The following SMARCA5 variants were observed in gnomAD, a reference collection of about 807,000 sequenced individuals.
SMARCA5 encodes SNF2 related chromatin remodeling ATPase 5.
In SMARCA5, 18 loss-of-function variants were observed where a neutral mutation model predicts 140.4. The ratio of observed to expected loss-of-function variants is 0.13; its 90% CI spans 0.09 to 0.19. The LOEUF (loss-of-function observed/expected upper bound fraction) is 0.19, where lower values mean the gene tolerates loss of function less well. Among genes scored for constraint, SMARCA5 ranks in the 10% least tolerant of loss-of-function variants. SMARCA5 has a pLI of 1.00. For missense variants in SMARCA5, 606 were observed against 1,276.8 expected, an observed-to-expected ratio of 0.47 and a Z score of 8.01; for synonymous variants, 449 against 419.6, an observed-to-expected ratio of 1.07 and a Z score of -0.86.
intron 6 of SMARCA5, among the ~76,000 whole-genome samples, chr4:143,527,594 A>C (rs376781594): frequency 1.3e-5 from 2 of 152,150 alleles, no homozygotes; most frequent in African/African-American, 4.8e-5. Flanking sequence ...TTCCCGATCT[A>C]GTGGAATTGC....
intron 22 of SMARCA5, 117 bp from the exon 23 acceptor site, chr4:143,549,880 A>G (rs550652821): frequency 2.7e-5 from 15 of 562,120 alleles, no homozygotes; most frequent in Non-Finnish European, 3.8e-5. Flanking sequence ...TTTTTTTTAA[A>G]TCAGGGGTGT....
Position 143,521,610 on chromosome 4 carries a change from A to T in SMARCA5, c.419+15A>T, listed in dbSNP as rs1480594327. 6.3e-7 allele frequency: 1 copy of T among 1,591,520 alleles called. No homozygotes were observed. The highest frequency in any genetic ancestry group is 1.8e-5 in the Admixed American group (1 of 56,360). On this transcript the variant is annotated intron_variant, in intron 3 of 23. Transcript: ENST00000283131. ...TCCGTTGGCGAGTGAGTAATAGTTT[A>T]AACTTCATAGTTCAACCAAACTTAT... is the stretch of plus-strand genomic sequence containing the variant.
intron 9 of SMARCA5, among the ~76,000 whole-genome samples, chr4:143,532,106 T>A (rs975525901): frequency 1.2e-4 from 19 of 152,150 alleles, no homozygotes; most frequent in African/African-American, 4.6e-4. Context: ...GGGAAAAAAA[T>A]TTAAGTTCAT....
intron 10 of SMARCA5, among the ~76,000 whole-genome samples, chr4:143,535,990 C>T (rs1737294035): frequency 6.6e-6 from 1 of 152,062 alleles, no homozygotes; most frequent in African/African-American, 2.4e-5. Flanking sequence ...TCATGCCTTA[C>T]CATTTCATTA....
intron 17 of SMARCA5, among the ~76,000 whole-genome samples, chr4:143,545,072 A>C (rs1297117752): frequency 5.3e-5 from 8 of 151,208 alleles, no homozygotes; most frequent in Admixed American, 5.3e-4. Context: ...CCTTCCGAGT[A>C]GCTGGGACTA....
chr4:143,535,486 T>C (rs1737284299), intron 10 of SMARCA5, among the ~76,000 whole-genome samples: 1 of 152,176 alleles, frequency 6.6e-6, no homozygotes. Flanking sequence ...GCCAGAGTTG[T>C]TTGGTTAAAG....
chr4:143,553,007 CATACCT>C (rs1737676331), intron 23 of SMARCA5, 106 bp from the exon 24 acceptor site: 1 of 762,148 alleles, frequency 1.3e-6, no homozygotes, highest in Admixed American at 2.2e-5. Flanking sequence ...GGAAAAGTCT[CATACCT>C]ATTACTTTGT....
chr4:143,525,817 G>C (rs1258829050), intron 5 of SMARCA5, among the ~76,000 whole-genome samples: 2 of 152,152 alleles, frequency 1.3e-5, no homozygotes, highest in African/African-American at 4.8e-5. Context: ...TTTGCTTCCA[G>C]TTTTGTAAAA....
intron 3 of SMARCA5, among the ~76,000 whole-genome samples, chr4:143,522,109 C>T (rs921158737): frequency 2.0e-5 from 3 of 152,088 alleles, no homozygotes; most frequent in Non-Finnish European, 2.9e-5. Context: ...TGGGTGTGCT[C>T]TAGGCTCCTC....
rs1185307416 is a variant in SMARCA5, at chr4:143,517,394, A to C, written c.217A>C (p.Ile73Leu). The change falls in exon 2 of 24, where the codon ATC (isoleucine) becomes CTC (leucine). Residue 73 changes from isoleucine (I) to leucine (L), a missense_variant. This residue lies in a region of SMARCA5 where 164 missense variants were observed against 128.4 expected (regional missense o/e 1.28). Coordinates refer to ENST00000283131, the MANE Select transcript of SMARCA5 (RefSeq NM_003601.4). ...TGCGTCACCTGGAAAGCAAAAGGAAATCCAAGAACCAGATCCTACCTATGA... is the reference window on the plus strand; with the variant it reads ...TGCGTCACCTGGAAAGCAAAAGGAACTCCAAGAACCAGATCCTACCTATGA... ...DDASPGKQKEIQEPDPTYEEK... is the reference protein window; with the variant it reads ...DDASPGKQKELQEPDPTYEEK... 11 of 1,610,834 alleles carry C rather than the reference A, an allele frequency of 6.8e-6. No homozygotes were observed. The highest frequency in any genetic ancestry group is 8.5e-6 in the Non-Finnish European group (10 of 1,178,248).
At chr4:143,544,944 T>G (rs1005354723) in intron 17 of SMARCA5, 97 bp downstream of exon 17, 6 of 561,610 alleles carry the variant, frequency 1.1e-5, no homozygotes, top group Non-Finnish European at 1.8e-5. Context: ...AGATTTTGTG[T>G]TTCTTTTTTT....
rs1165646509 is a variant in SMARCA5 at position 143,514,108 on chromosome 4, G to A, written c.177+7G>A. The A allele has an allele frequency of 7.2e-6, 11 of 1,528,746 alleles. No individual in the cohort carries two copies. In the South Asian group the frequency reaches 1.3e-4, roughly 18 times the overall value. The allele number at this position is 1,528,746 out of a possible 1,614,324, so 94.7% of individuals were successfully genotyped here. A position where few individuals can be genotyped will look rare whatever the true frequency, so the allele number is the denominator to read the frequency against. ...CGCAGACGCCGAGATGGAGGTGAGG[G>A]CGACTTGCGGCATGGGGAGCGGGTG... On this transcript the variant is annotated splice_region_variant and intron_variant, in intron 1 of 23. Coordinates refer to ENST00000283131, the MANE Select transcript of SMARCA5 (RefSeq NM_003601.4).
In SMARCA5 at chr4:143,548,084, A is replaced by T; in HGVS notation, c.2929A>T (p.Ile977Phe). The change falls in exon 22 of 24, where the codon ATT becomes TTT. Residue 977 changes from isoleucine (I) to phenylalanine (F), a missense_variant. By Grantham distance (21) the Ile-to-Phe change is conservative (BLOSUM62 0). Transcript: ENST00000283131. Reference sequence around the variant, plus strand: ...TGTTTATGATGAATTGCGACAGTGTATTCGCAACTCTCCTCAGTTCAGATT... The same window carrying T: ...TGTTTATGATGAATTGCGACAGTGTTTTCGCAACTCTCCTCAGTTCAGATT... ...ENVYDELRQC[I>F]RNSPQFRFDW... 6.2e-7 allele frequency: 1 copy of T among 1,612,834 alleles called. No individual in the cohort carries two copies. Among genetic ancestry groups the T allele is most frequent in the South Asian group, 1.1e-5 (1 of 91,020 alleles).
chr4:143,516,350 A>C (rs912644139), intron 1 of SMARCA5, among the ~76,000 whole-genome samples: 12 of 151,448 alleles, frequency 7.9e-5, no homozygotes, highest in Non-Finnish European at 1.5e-5. Flanking sequence ...GCAGTGTGGA[A>C]CTCTTCTGTG....
chr4:143,524,026 T>C (rs1232196045), intron 3 of SMARCA5, among the ~76,000 whole-genome samples: 1 of 152,168 alleles, frequency 6.6e-6, no homozygotes, highest in Non-Finnish European at 1.5e-5. Context: ...TGGAACTTTT[T>C]TTTCCTTGGC....
rs1737272049 is a variant in SMARCA5 at position 143,534,851 on chromosome 4, T to C, written c.1159-4T>C. The C allele has an allele frequency of 1.9e-6, 3 of 1,607,632 alleles. No individual in the cohort carries two copies. In the East Asian group the frequency reaches 6.7e-5, roughly 36 times the overall value. Reference sequence around the variant, plus strand: ...ATTACCTGTTTATTTTTGTCCTTTTTAAGGTTTTGCGTCCATTCCTCCTTC... The same window carrying C: ...ATTACCTGTTTATTTTTGTCCTTTTCAAGGTTTTGCGTCCATTCCTCCTTC... On this transcript the variant is annotated splice_polypyrimidine_tract_variant and splice_region_variant and intron_variant, in intron 9 of 23. Coordinates refer to ENST00000283131, the MANE Select transcript of SMARCA5 (RefSeq NM_003601.4).
chr4:143,514,073 G>T lies in SMARCA5; in HGVS notation c.149G>T (p.Ser50Ile), dbSNP rs774884127. 1.6e-5 allele frequency: 25 copies of T among 1,559,048 alleles called. No homozygotes were observed. The highest frequency in any genetic ancestry group is 2.1e-5 in the Non-Finnish European group (24 of 1,160,970). Reference protein sequence around the residue: ...VAAQAVASAASAGPADAEMEE... With the variant: ...VAAQAVASAAIAGPADAEMEE... ...GCGCAGGCGGTTGCGTCTGCGGCCA[G>T]CGCTGGTCCCGCAGACGCCGAGATG... is the stretch of plus-strand genomic sequence containing the variant. The change falls in exon 1 of 24, where the codon AGC becomes ATC. Residue 50 changes from serine (S) to isoleucine (I), a missense_variant. Ser to Ile is a moderately radical substitution (Grantham distance 142, BLOSUM62 -2). Transcript: ENST00000283131.
Position 143,533,646 on chromosome 4 carries a change from T to A in SMARCA5, c.1159-1209T>A, listed in dbSNP as rs561512434. Reference sequence around the variant, plus strand: ...TCTCAGCCTCCCAAGTAGCTGGGACTACAGGTACCTGCCACCTCGCCTGGC... The same window carrying A: ...TCTCAGCCTCCCAAGTAGCTGGGACAACAGGTACCTGCCACCTCGCCTGGC... On this transcript the variant is annotated intron_variant, in intron 9 of 23. Coordinates refer to ENST00000283131, the MANE Select transcript of SMARCA5 (RefSeq NM_003601.4). Among the ~76,000 whole-genome samples the A allele has an allele frequency of 3.3e-5, 5 of 152,132 alleles. 1 individual carries two copies. The East Asian group carries it at 9.7e-4, about 30-fold the overall frequency.
At position 143,524,118 on chromosome 4, in the gene SMARCA5, T is replaced by C. The variant is rs536684429; in HGVS notation, c.420-249T>C. ...CATAGTTCTTGAAATTTGACTATCATATTTGAGTTTATTGGGTTCTGGTTA... is the reference window on the plus strand; with the variant it reads ...CATAGTTCTTGAAATTTGACTATCACATTTGAGTTTATTGGGTTCTGGTTA... On this transcript the variant is annotated intron_variant, in intron 3 of 23. Transcript: ENST00000283131. Among the ~76,000 whole-genome samples the C allele has an allele frequency of 6.6e-5, 10 of 152,318 alleles. No individual in the cohort carries two copies. The East Asian group carries it at 1.9e-3, about 29-fold the overall frequency.
Sources: allele counts gnomAD v4.1 joint callset (sites outside exome capture counted in the v4.1 genomes callset), GRCh38; gene constraint gnomAD v4.1.1; regional missense constraint gnomAD v4.1.1; transcripts MANE v1.5; gene names NCBI Gene and HGNC (gene_info 2026-07-23, HGNC 2026-07-21).